TMEM132B: variants seen among roughly 807,000 people sequenced by gnomAD.
TMEM132B encodes the protein transmembrane protein 132B.
Under a neutral mutation model 90.8 loss-of-function variants are expected in TMEM132B, and 18 were observed. The ratio of observed to expected loss-of-function variants is 0.20; its 90% confidence interval spans 0.14 to 0.29. The LOEUF (loss-of-function observed/expected upper bound fraction) is 0.29. Among genes scored for constraint, TMEM132B ranks in the 10% least tolerant of loss-of-function variants. TMEM132B has a pLI of 1.00. For synonymous variants in TMEM132B, 504 were observed against 523.3 expected, an observed-to-expected ratio of 0.96 and a Z score of 0.50; for missense variants, 1,096 against 1,326.8, an observed-to-expected ratio of 0.83 and a Z score of 2.70.
In TMEM132B at chr12:125,508,682, A is replaced by G. The variant is rs1387849563; in HGVS notation, c.1107-10757A>G. Among the ~76,000 whole-genome samples, 5 of 152,186 alleles carry G rather than the reference A, an allele frequency of 3.3e-5. No individual in the cohort carries two copies. The South Asian group carries it at 1.0e-3, about 32-fold the overall frequency. ...ATGAGGCCCTTCCCAGTAGAGATGC[A>G]GAGTAATCCTGTGCAACATGACAGA... On this transcript the variant is annotated intron_variant, in intron 3 of 8. Transcript: ENST00000682704.
chr12:125,269,293 C>T (rs904428074), intron 1 of TMEM132B, among the ~76,000 whole-genome samples: 1 of 152,212 alleles, frequency 6.6e-6, no homozygotes, highest in Non-Finnish European at 1.5e-5. Flanking sequence ...GCTGCTTCAC[C>T]TTCCTCCTGC....
chr12:125,483,436 A>G (rs970233953), intron 3 of TMEM132B, among the ~76,000 whole-genome samples: 7 of 152,232 alleles, frequency 4.6e-5, no homozygotes, highest in Non-Finnish European at 2.9e-5. Context: ...CATTAAAGAA[A>G]AAAACAATGT....
At chr12:125,207,656 T>C (rs762732807) in intron 1 of TMEM132B, among the ~76,000 whole-genome samples, 1 of 152,226 alleles carries the variant, frequency 6.6e-6, no homozygotes, top group Non-Finnish European at 1.5e-5. Context: ...CTCACTGTTA[T>C]CCAACCATCG....
intron 1 of TMEM132B, among the ~76,000 whole-genome samples, chr12:125,293,155 T>A (rs1327098251): frequency 6.6e-6 from 1 of 152,278 alleles, no homozygotes; most frequent in African/African-American, 2.4e-5. Context: ...TGTGGTACAG[T>A]CTCTCCCTGA....
intron 3 of TMEM132B, among the ~76,000 whole-genome samples, chr12:125,447,652 C>T (rs1200204625): frequency 6.6e-6 from 1 of 152,170 alleles, no homozygotes; most frequent in Non-Finnish European, 1.5e-5. Flanking sequence ...CACTTTTCTT[C>T]TGCCTTTATA....
intron 1 of TMEM132B, chr12:125,301,614 C>T (rs1875825865): frequency 6.6e-6 from 1 of 152,432 alleles, no homozygotes; most frequent in African/African-American, 2.4e-5. Flanking sequence ...CGCGGTGGCT[C>T]ATGCCTGTAA....
chr12:125,202,714 A>G (rs1475371919), intron 1 of TMEM132B, among the ~76,000 whole-genome samples: 4 of 152,252 alleles, frequency 2.6e-5, no homozygotes, highest in Non-Finnish European at 4.4e-5. Context: ...GGAGGGCTAC[A>G]CAAGACTGTG....
At chr12:125,442,078 C>A (rs1269011483) in intron 3 of TMEM132B, among the ~76,000 whole-genome samples, 1 of 152,150 alleles carries the variant, frequency 6.6e-6, no homozygotes, top group East Asian at 1.9e-4. Flanking sequence ...TTTTGGATTC[C>A]ACTTTTACCT....
intron 3 of TMEM132B, among the ~76,000 whole-genome samples, chr12:125,510,501 A>T (rs981218335): frequency 2.8e-4 from 43 of 152,182 alleles, no homozygotes; most frequent in African/African-American, 9.7e-4. Flanking sequence ...TATATTTGAG[A>T]TTTAAACAAA....
intron 4 of TMEM132B, among the ~76,000 whole-genome samples, chr12:125,576,637 A>T (rs199799726): frequency 1.3e-5 from 2 of 152,046 alleles, no homozygotes; most frequent in East Asian, 3.8e-4. Context: ...GGAAGTTCCC[A>T]TCAATTCCTA....
intron 3 of TMEM132B, among the ~76,000 whole-genome samples, chr12:125,486,348 G>A (rs968480299): frequency 5.3e-5 from 8 of 152,176 alleles, no homozygotes; most frequent in Non-Finnish European, 1.2e-4. Flanking sequence ...ATAGTGTATT[G>A]GTTATGAGTA....
At chr12:125,278,796 G>T (rs1875077882) in intron 1 of TMEM132B, among the ~76,000 whole-genome samples, 1 of 152,180 alleles carries the variant, frequency 6.6e-6, no homozygotes, top group South Asian at 2.1e-4. Context: ...CAGCAGAAAA[G>T]AATTGTTTTG....
chr12:125,650,904 A>T lies in TMEM132B; in HGVS notation c.1865A>T (p.Gln622Leu). The T allele has an allele frequency of 2.5e-6, 4 of 1,613,478 alleles. No homozygotes were observed. Among genetic ancestry groups the T allele is most frequent in the Non-Finnish European group, 3.4e-6 (4 of 1,180,016 alleles). Reference protein sequence around the residue: ...KVEEPKIAQLQDGRTLAGREP... With the variant: ...KVEEPKIAQLLDGRTLAGREP... ...GAGGAGCCGAAAATCGCTCAGTTACAGGACGGCAGGACCCTGGCTGGTCGG... is the reference window on the plus strand; with the variant it reads ...GAGGAGCCGAAAATCGCTCAGTTACTGGACGGCAGGACCCTGGCTGGTCGG... The change falls in exon 7 of 9, where the codon CAG (glutamine) becomes CTG (leucine). Residue 622 changes from glutamine (Q) to leucine (L), a missense_variant. By Grantham distance (113) the Gln-to-Leu change is moderately radical. Transcript: ENST00000682704.
intron 2 of TMEM132B, among the ~76,000 whole-genome samples, chr12:125,403,882 C>G (rs1301204492): frequency 2.6e-5 from 4 of 152,186 alleles, no homozygotes; most frequent in Admixed American, 2.6e-4. Flanking sequence ...ACCCTAGATG[C>G]CATAATGATT....
intron 4 of TMEM132B, among the ~76,000 whole-genome samples, chr12:125,552,079 A>C (rs1245782973): frequency 2.0e-5 from 3 of 152,204 alleles, no homozygotes; most frequent in Non-Finnish European, 4.4e-5. Flanking sequence ...ACCATTGTGC[A>C]TTATATATGA....
intron 3 of TMEM132B, among the ~76,000 whole-genome samples, chr12:125,416,795 C>G (rs777790364): frequency 6.6e-6 from 1 of 152,186 alleles, no homozygotes; most frequent in Non-Finnish European, 1.5e-5. Flanking sequence ...ACGTTCCAGT[C>G]ATCATTCTCT....
chr12:125,385,732 A>G (rs1396607735), intron 2 of TMEM132B, among the ~76,000 whole-genome samples: 2 of 152,224 alleles, frequency 1.3e-5, no homozygotes, highest in South Asian at 2.1e-4. Context: ...CAGGGGCTTA[A>G]TGTATTTTTT....
At chr12:125,462,053 C>T (rs577318376) in intron 3 of TMEM132B, among the ~76,000 whole-genome samples, 153 of 152,342 alleles carry the variant, frequency 1.0e-3, no homozygotes, top group African/African-American at 3.4e-3. Flanking sequence ...TGGGCTGGCT[C>T]ACATGACAGC....
chr12:125,559,307 G>A (rs1884464661), intron 4 of TMEM132B, among the ~76,000 whole-genome samples: 1 of 152,192 alleles, frequency 6.6e-6, no homozygotes, highest in Non-Finnish European at 1.5e-5. Flanking sequence ...CGAGGCTGCA[G>A]TGAGTCATGT....
Sources: allele counts gnomAD v4.1 joint callset (sites outside exome capture counted in the v4.1 genomes callset), GRCh38; gene constraint gnomAD v4.1.1; transcripts MANE v1.5; gene names NCBI Gene and HGNC (gene_info 2026-07-23, HGNC 2026-07-21).